The following FBXO10 variants were observed in gnomAD, a reference collection of about 807,000 sequenced individuals.
The protein encoded by FBXO10 is F-box only protein 10.
Under a neutral mutation model 80.7 loss-of-function variants are expected in FBXO10, and 39 were observed. That is an observed-to-expected ratio of 0.48 (90% CI 0.37 to 0.63). The LOEUF (loss-of-function observed/expected upper bound fraction) is 0.63. FBXO10 is among the 30% of genes least tolerant of loss of function. The pLI is 0.00. For synonymous variants in FBXO10, 449 were observed against 489.6 expected (o/e 0.92, Z 1.09); for missense variants, 1,025 against 1,269.0 (o/e 0.81, Z 2.92).
At chr9:37,542,075 C>T (rs1055826815) in intron 1 of FBXO10, among the ~76,000 whole-genome samples, 8 of 151,866 alleles carry the variant, frequency 5.3e-5, no homozygotes, top group African/African-American at 1.9e-4. Context: ...GTGATCTGCC[C>T]GGCTTGGCCT....
At chr9:37,528,530 A>C (rs1821532041) in intron 5 of FBXO10, among the ~76,000 whole-genome samples, 1 of 151,898 alleles carries the variant, frequency 6.6e-6, no homozygotes, top group Non-Finnish European at 1.5e-5. Flanking sequence ...CCATATTCCA[A>C]AGTCTGACTC....
chr9:37,546,168 G>A (rs1822050920), intron 1 of FBXO10, among the ~76,000 whole-genome samples: 1 of 151,812 alleles, frequency 6.6e-6, no homozygotes, highest in South Asian at 2.1e-4. Flanking sequence ...TGTGATTTTT[G>A]AAAGAAAGGA....
At chr9:37,524,853 G>A (rs901912365) in intron 6 of FBXO10, among the ~76,000 whole-genome samples, 1 of 152,240 alleles carries the variant, frequency 6.6e-6, no homozygotes, top group Non-Finnish European at 1.5e-5. Flanking sequence ...TTCTGAAACT[G>A]TTCTGTGAGC....
chr9:37,528,974 C>A (rs115773888), intron 5 of FBXO10, 150 bp downstream of exon 5: 20,144 of 1,088,060 alleles, frequency 0.019, 667 homozygotes, highest in African/African-American at 0.13. Flanking sequence ...CACATAAACA[C>A]AAAAGCCGCT....
chr9:37,559,660 T>C (rs1242525610), intron 1 of FBXO10, among the ~76,000 whole-genome samples: 1 of 152,238 alleles, frequency 6.6e-6, no homozygotes, highest in Non-Finnish European at 1.5e-5. Context: ...AGACTAGTAC[T>C]AACCAATGGG....
chr9:37,571,710 G>A (rs905340068), intron 1 of FBXO10, among the ~76,000 whole-genome samples: 1 of 57,010 alleles, frequency 1.8e-5, no homozygotes, highest in Non-Finnish European at 2.9e-5. Flanking sequence ...GGTGAAAAGA[G>A]AGCCATATAT....
At chr9:37,522,721 T>A in intron 7 of FBXO10, 104 bp downstream of exon 7, 1 of 1,349,726 alleles carries the variant, frequency 7.4e-7, no homozygotes, top group Non-Finnish European at 1.0e-6. Flanking sequence ...TCAGATGAGG[T>A]CTTTGAGGCA....
chr9:37,576,275 C>G lies in FBXO10; in HGVS notation c.-71G>C, dbSNP rs991422244. 1.1e-4 allele frequency: 16 copies of G among 152,294 alleles called. No homozygotes were observed. Among genetic ancestry groups the G allele is most frequent in the Admixed American group, 9.2e-4 (14 of 15,272 alleles). 9.4% of individuals were successfully genotyped at this position (152,294 alleles called of 1,614,324 possible). A position where few individuals can be genotyped will look rare whatever the true frequency, so the allele number is the denominator to read the frequency against. ...CCGCCGGTGCCCTGGAAGCCACCCG[C>G]CGCCCCCGCTGGAGCCGCAGCAGCC... On this transcript the variant is annotated 5_prime_UTR_variant, in exon 1 of 11. Coordinates refer to ENST00000432825, the MANE Select transcript of FBXO10 (RefSeq NM_012166.3).
intron 1 of FBXO10, among the ~76,000 whole-genome samples, chr9:37,550,397 C>G (rs767399588): frequency 9.3e-5 from 14 of 151,214 alleles, no homozygotes; most frequent in Admixed American, 2.6e-4. Context: ...GTTGGCCAGG[C>G]TGGTCTCAAA....
Position 37,541,315 on chromosome 9 carries a change from G to A in FBXO10, c.454C>T (p.Pro152Ser). Reference protein sequence around the residue: ...EEQGEIILKVPVEIVGQGKLG... With the variant: ...EEQGEIILKVSVEIVGQGKLG... ...TTCCCCTGCCCTACAATCTCCACAG[G>A]CACCTTCAAGATGATTTCACCTTGC... The change falls in exon 2 of 11, where the codon CCT (proline) becomes TCT (serine). Residue 152 changes from proline (P) to serine (S), a missense_variant. Coordinates refer to ENST00000432825, the MANE Select transcript of FBXO10 (RefSeq NM_012166.3). 6.2e-7 allele frequency: 1 copy of A among 1,613,990 alleles called. No individual in the cohort carries two copies. Among genetic ancestry groups the A allele is most frequent in the Non-Finnish European group, 8.5e-7 (1 of 1,179,894 alleles).
intron 3 of FBXO10, among the ~76,000 whole-genome samples, chr9:37,534,710 C>A (rs561382239): frequency 6.6e-6 from 1 of 152,292 alleles, no homozygotes; most frequent in East Asian, 1.9e-4. Context: ...ACAGCACCCT[C>A]CTGACGCAGG....
chr9:37,541,267 C>T lies in FBXO10; in HGVS notation c.502G>A (p.Ala168Thr). The stretch of plus-strand genomic sequence containing the variant: ...GTTGAGCAGTGCTGATCAATGCTGG[C>T]CAGCAGGGCCACTTCACCCAACTTC... The part of the protein sequence containing the change: ...QGKLGEVALL[A>T]SIDQHCSTTR... The change falls in exon 2 of 11, where the codon GCC becomes ACC. Residue 168 changes from alanine to threonine, a missense_variant. Transcript: ENST00000432825. The T allele has an allele frequency of 1.2e-6, 2 of 1,613,934 alleles. No individual in the cohort carries two copies. Among genetic ancestry groups the T allele is most frequent in the Non-Finnish European group, 8.5e-7 (1 of 1,179,862 alleles).
At chr9:37,520,083 C>T (rs1471711658) in intron 8 of FBXO10, among the ~76,000 whole-genome samples, 4 of 151,962 alleles carry the variant, frequency 2.6e-5, no homozygotes, top group Admixed American at 2.6e-4. Context: ...GATCCTCCTG[C>T]CTTGGCCTCT....
At chr9:37,519,120 A>G (rs181080788) in intron 8 of FBXO10, among the ~76,000 whole-genome samples, 106 of 152,274 alleles carry the variant, frequency 7.0e-4, no homozygotes, top group African/African-American at 2.5e-3. Context: ...CGTGTTAGCC[A>G]GGATGGTCTC....
chr9:37,556,011 A>G (rs1282429088), intron 1 of FBXO10, among the ~76,000 whole-genome samples: 2 of 152,148 alleles, frequency 1.3e-5, no homozygotes, highest in Admixed American at 6.5e-5. Context: ...TTGTTATGGT[A>G]TGAGGTAGTG....
intron 1 of FBXO10, among the ~76,000 whole-genome samples, chr9:37,573,242 T>C (rs1822804743): frequency 6.6e-6 from 1 of 152,144 alleles, no homozygotes; most frequent in Non-Finnish European, 1.5e-5. Flanking sequence ...TTGGGTGGTC[T>C]AGATGACCAT....
chr9:37,548,589 C>A (rs1429215406), intron 1 of FBXO10, among the ~76,000 whole-genome samples: 2 of 152,062 alleles, frequency 1.3e-5, no homozygotes, highest in Admixed American at 6.6e-5. Flanking sequence ...ACTAGAGAAA[C>A]CTCCTTGATT....
chr9:37,561,975 G>A (rs1403588862), intron 1 of FBXO10, among the ~76,000 whole-genome samples: 4 of 152,172 alleles, frequency 2.6e-5, no homozygotes, highest in African/African-American at 9.7e-5. Context: ...CAAGCCCTTG[G>A]CCAGTCTAAC....
At chr9:37,556,857 T>G (rs1322507555) in intron 1 of FBXO10, among the ~76,000 whole-genome samples, 2 of 152,228 alleles carry the variant, frequency 1.3e-5, no homozygotes, top group South Asian at 2.1e-4. Context: ...TTCTGTATTC[T>G]TTAATGGAAT....
Sources: gnomAD v4.1 joint callset for allele counts (sites outside exome capture counted in the v4.1 genomes callset) on GRCh38, gnomAD v4.1.1 for gene constraint, MANE v1.5 for transcripts, NCBI Gene and HGNC (gene_info 2026-07-23, HGNC 2026-07-21) for gene names.